Variants in SLC4A4 observed in about 807,000 individuals in gnomAD.
SLC4A4 encodes the protein electrogenic sodium bicarbonate cotransporter 1.
In SLC4A4, 27 loss-of-function variants were observed where a neutral mutation model predicts 111.5. The observed-to-expected ratio is 0.24, with a 90% confidence interval of 0.18 to 0.33. The LOEUF is 0.33. Among genes scored for constraint, SLC4A4 ranks in the 10% least tolerant of loss-of-function variants. The probability of loss-of-function intolerance (pLI) is 1.00; values close to 1 mark genes in which losing one functional copy is unlikely to be tolerated. For missense variants in SLC4A4, 909 were observed against 1,315.5 expected (o/e 0.69, Z 4.78); for synonymous variants, 443 against 463.4 (o/e 0.96, Z 0.57).
intron 2 of SLC4A4, among the ~76,000 whole-genome samples, chr4:71,172,965 C>T (rs930552821): frequency 6.6e-6 from 1 of 152,176 alleles, no homozygotes; most frequent in African/African-American, 2.4e-5. Flanking sequence ...GTAGTACTGT[C>T]TGTACTATGT....
chr4:71,241,864 C>T (rs1347958671), intron 2 of SLC4A4, among the ~76,000 whole-genome samples: 3 of 152,214 alleles, frequency 2.0e-5, no homozygotes, highest in African/African-American at 7.2e-5. Flanking sequence ...ACAGGTTGAG[C>T]CCATACAGAC....
chr4:71,292,839 T>C (rs529317560), intron 3 of SLC4A4, among the ~76,000 whole-genome samples: 54 of 139,698 alleles, frequency 3.9e-4, no homozygotes, highest in African/African-American at 1.5e-3. Flanking sequence ...TTTGGTTTTT[T>C]TTGTTTTTTT....
At chr4:71,267,536 T>G (rs1008348660) in intron 3 of SLC4A4, among the ~76,000 whole-genome samples, 4 of 152,072 alleles carry the variant, frequency 2.6e-5, no homozygotes, top group African/African-American at 9.7e-5. Flanking sequence ...TTCATTATCT[T>G]TGACTAATAT....
chr4:71,442,604 G>A (rs977503617), intron 8 of SLC4A4, among the ~76,000 whole-genome samples: 12 of 152,138 alleles, frequency 7.9e-5, no homozygotes, highest in Non-Finnish European at 1.6e-4. Flanking sequence ...GGTAGGCATG[G>A]TGAAGGACTG....
At chr4:71,357,298 G>A (rs1242029599) in intron 6 of SLC4A4, 111 bp downstream of exon 6, 3 of 1,041,496 alleles carry the variant, frequency 2.9e-6, no homozygotes, top group African/African-American at 1.6e-5. Flanking sequence ...CTTTTCTTGA[G>A]TTCATATGCC....
intron 6 of SLC4A4, among the ~76,000 whole-genome samples, chr4:71,390,286 A>C (rs1719140311): frequency 6.6e-6 from 1 of 152,172 alleles, no homozygotes; most frequent in Non-Finnish European, 1.5e-5. Flanking sequence ...TCCTGTTTTT[A>C]GTGAGTGAAA....
chr4:71,220,010 G>C (rs1294266659), intron 1 of SLC4A4, among the ~76,000 whole-genome samples: 2 of 152,224 alleles, frequency 1.3e-5, no homozygotes, highest in Non-Finnish European at 2.9e-5. Context: ...TGACAACAAA[G>C]GATTGGGATT....
intron 3 of SLC4A4, among the ~76,000 whole-genome samples, chr4:71,286,084 C>G (rs545995148): frequency 6.6e-6 from 1 of 152,122 alleles, no homozygotes; most frequent in South Asian, 2.1e-4. Flanking sequence ...TAAAAAAATA[C>G]AAAAAATTAG....
chr4:71,418,920 C>T (rs1395155183), intron 7 of SLC4A4, among the ~76,000 whole-genome samples: 2 of 152,220 alleles, frequency 1.3e-5, no homozygotes, highest in African/African-American at 2.4e-5. Context: ...AGACAGGACA[C>T]TCAGCTGCAG....
intron 16 of SLC4A4, among the ~76,000 whole-genome samples, chr4:71,519,666 G>A (rs182368229): frequency 2.6e-5 from 4 of 151,530 alleles, no homozygotes; most frequent in African/African-American, 4.8e-5. Context: ...ACAGAGTCTC[G>A]CTCTGTTGCC....
At chr4:71,226,547 A>G (rs1719060917) in intron 1 of SLC4A4, among the ~76,000 whole-genome samples, 1 of 152,206 alleles carries the variant, frequency 6.6e-6, no homozygotes, top group East Asian at 1.9e-4. Context: ...CTATAAAGAG[A>G]AAATTATATA....
chr4:71,345,568 C>T (rs190354259), intron 4 of SLC4A4, among the ~76,000 whole-genome samples: 8 of 152,072 alleles, frequency 5.3e-5, no homozygotes, highest in African/African-American at 1.7e-4. Flanking sequence ...TTACTTCCAA[C>T]TGGACACCAC....
intron 18 of SLC4A4, among the ~76,000 whole-genome samples, chr4:71,535,124 A>G (rs763486406): frequency 1.1e-4 from 17 of 152,154 alleles, no homozygotes; most frequent in Non-Finnish European, 1.9e-4. Context: ...GAGGGCTACT[A>G]TGAGCCAGGC....
intron 1 of SLC4A4, among the ~76,000 whole-genome samples, chr4:71,069,040 G>A (rs1326691871): frequency 6.6e-6 from 1 of 152,176 alleles, no homozygotes; most frequent in African/African-American, 2.4e-5. Flanking sequence ...TGAGTTACAC[G>A]TTTGTTAGAG....
chr4:71,326,815 T>A (rs1225969665), intron 3 of SLC4A4, among the ~76,000 whole-genome samples: 1 of 152,022 alleles, frequency 6.6e-6, no homozygotes, highest in African/African-American at 2.4e-5. Context: ...CTGTGATATA[T>A]TTAATACATA....
chr4:71,529,018 G>T (rs1020562188), intron 16 of SLC4A4, among the ~76,000 whole-genome samples: 12 of 151,924 alleles, frequency 7.9e-5, no homozygotes, highest in Admixed American at 6.6e-4. Flanking sequence ...TTTCAAAGAA[G>T]ATAGAATTAT....
At chr4:71,462,597 C>A (rs1332380613) in intron 12 of SLC4A4, among the ~76,000 whole-genome samples, 3 of 151,774 alleles carry the variant, frequency 2.0e-5, no homozygotes, top group Non-Finnish European at 4.4e-5. Flanking sequence ...TTAGTAGAGA[C>A]AGAGTTTCTC....
At chr4:71,544,648 T>C (rs1448810774) in intron 18 of SLC4A4, among the ~76,000 whole-genome samples, 3 of 152,044 alleles carry the variant, frequency 2.0e-5, no homozygotes, top group Non-Finnish European at 4.4e-5. Context: ...TACTATCTTT[T>C]CCCTATTCGC....
intron 18 of SLC4A4, among the ~76,000 whole-genome samples, chr4:71,536,457 CATATATACATATATATATATAT>C (rs1734441203): frequency 3.2e-5 from 1 of 31,406 alleles, no homozygotes; most frequent in African/African-American, 9.6e-5. Context: ...TACATATATA[CATATATACATATATATATATAT>C]ATATATATGT....
Sources: gnomAD v4.1 joint callset for allele counts (sites outside exome capture counted in the v4.1 genomes callset) on GRCh38, gnomAD v4.1.1 for gene constraint, MANE v1.5 for transcripts, NCBI Gene and HGNC (gene_info 2026-07-23, HGNC 2026-07-21) for gene names.